The following MIB1 variants were observed in gnomAD, a reference collection of about 807,000 sequenced individuals.
MIB1 encodes E3 ubiquitin-protein ligase MIB1.
In MIB1, 278 loss-of-function variants were observed where a neutral mutation model predicts 124.5. The observed-to-expected ratio is 2.23, with a 90% CI of 2.02 to 2.47. The LOEUF (loss-of-function observed/expected upper bound fraction) is 2.47, where lower values mean the gene tolerates loss of function less well. MIB1 is among the 30% of genes most tolerant of loss of function. The pLI is 0.00. For synonymous variants in MIB1, 446 were observed against 429.4 expected (o/e 1.04, Z -0.48); for missense variants, 957 against 1,254.4 (o/e 0.76, Z 3.58).
At chr18:21,752,825 A>G (rs1046030935) in intron 1 of MIB1, among the ~76,000 whole-genome samples, 1 of 152,222 alleles carries the variant, frequency 6.6e-6, no homozygotes, top group African/African-American at 2.4e-5. Flanking sequence ...ATTTACAAAG[A>G]TATGTATGAA....
intron 8 of MIB1, among the ~76,000 whole-genome samples, chr18:21,799,265 A>G (rs185813526): frequency 1.3e-5 from 2 of 152,188 alleles, no homozygotes; most frequent in East Asian, 1.9e-4. Context: ...GGGTTTAGGT[A>G]TATTCATCCC....
intron 10 of MIB1, among the ~76,000 whole-genome samples, chr18:21,814,667 G>A (rs1027783451): frequency 8.6e-5 from 13 of 151,778 alleles, no homozygotes; most frequent in South Asian, 2.1e-4. Flanking sequence ...TCTGCCTCCC[G>A]GATTCAAGCA....
chr18:21,735,683 G>A (rs1311528230), intron 1 of MIB1, among the ~76,000 whole-genome samples: 2 of 152,294 alleles, frequency 1.3e-5, no homozygotes, highest in East Asian at 3.9e-4. Flanking sequence ...CTCAAGCTTG[G>A]TCGGGGGGAG....
At position 21,752,769 on chromosome 18, in the gene MIB1, C is replaced by T. The variant is rs191694817; in HGVS notation, c.229+10957C>T. On this transcript the variant is annotated intron_variant, in intron 1 of 20. Transcript: ENST00000261537. ...ACAACAAAAAACACATGTTCTGCAGCTGAAAACATCTTCCAGGTGTATGTT... is the reference window on the plus strand; with the variant it reads ...ACAACAAAAAACACATGTTCTGCAGTTGAAAACATCTTCCAGGTGTATGTT... Among the ~76,000 whole-genome samples, 8 of 152,204 alleles carry T rather than the reference C, an allele frequency of 5.3e-5. No individual in the cohort carries two copies. In the East Asian group the frequency reaches 1.5e-3, roughly 29 times the overall value.
chr18:21,853,293 T>G (rs1018844039), intron 18 of MIB1, 75 bp downstream of exon 18: 2 of 1,115,806 alleles, frequency 1.8e-6, no homozygotes, highest in South Asian at 1.4e-5. Flanking sequence ...TTTTTGAGGG[T>G]TTTTTTGCTT....
intron 6 of MIB1, among the ~76,000 whole-genome samples, chr18:21,783,056 TCTATTTTATCTG>T (rs2041388896): frequency 6.6e-6 from 1 of 152,188 alleles, no homozygotes; most frequent in South Asian, 2.1e-4. Flanking sequence ...TAACTTAAAG[TCTATTTTATCTG>T]ATATAAAAGT....
At position 21,709,038 on chromosome 18, in the gene MIB1, C is replaced by T. The variant is rs145405659; in HGVS notation, n.167+3915C>T. 8.8e-3 allele frequency among the ~76,000 whole-genome samples: 1,334 copies of T among 152,074 alleles called. 24 individuals are homozygous for T. Among genetic ancestry groups the T allele is most frequent in the African/African-American group, 0.031 (1,266 of 41,478 alleles). On this transcript the variant is annotated intron_variant and non_coding_transcript_variant, in intron 1 of 20. Transcript: ENST00000578646. ...ATGCCTTTAAAAGTCGTGGCGAGGC[C>T]GGGCGCGGTGGCTCACGCCTGTAAT...
At chr18:21,792,132 G>A (rs2041511858) in intron 7 of MIB1, among the ~76,000 whole-genome samples, 1 of 151,674 alleles carries the variant, frequency 6.6e-6, no homozygotes, top group Non-Finnish European at 1.5e-5. Flanking sequence ...CCTGCCTTTG[G>A]TATTACTCTG....
chr18:21,756,075 A>G (rs1196051901), intron 1 of MIB1, among the ~76,000 whole-genome samples: 10 of 152,168 alleles, frequency 6.6e-5, no homozygotes, highest in African/African-American at 2.4e-4. Flanking sequence ...TTTGCAGGGG[A>G]TAGTAGAAAA....
intron 1 of MIB1, among the ~76,000 whole-genome samples, chr18:21,759,480 A>G (rs370126460): frequency 3.9e-4 from 60 of 152,032 alleles, no homozygotes; most frequent in African/African-American, 1.4e-3. Flanking sequence ...TGACCTCTTG[A>G]TCCGCCTGCC....
intron 10 of MIB1, among the ~76,000 whole-genome samples, chr18:21,810,956 T>C (rs2041766795): frequency 6.6e-6 from 1 of 151,926 alleles, no homozygotes; most frequent in Non-Finnish European, 1.5e-5. Context: ...GCCTATGAAA[T>C]GGGAGAAAAT....
At chr18:21,864,440 A>G in intron 20 of MIB1, 86 bp from the exon 21 acceptor site, 1 of 1,096,218 alleles carries the variant, frequency 9.1e-7, no homozygotes. Context: ...GACTAAAACA[A>G]CTAAAGAAAA....
At chr18:21,713,526 T>C (rs1270519181) in intron 1 of MIB1, among the ~76,000 whole-genome samples, 1 of 146,122 alleles carries the variant, frequency 6.8e-6, no homozygotes, top group Non-Finnish European at 1.5e-5. Flanking sequence ...GGCAGGAGAA[T>C]TGCTTGAACC....
At chr18:21,739,386 A>G (rs1313999969), upstream of MIB1, among the ~76,000 whole-genome samples, 1 of 152,176 alleles carries the variant, frequency 6.6e-6, no homozygotes. Context: ...TGTACTTCCT[A>G]AAACTATTCC....
intron 18 of MIB1, among the ~76,000 whole-genome samples, chr18:21,856,500 A>T (rs1403127828): frequency 6.6e-6 from 1 of 152,174 alleles, no homozygotes; most frequent in Non-Finnish European, 1.5e-5. Context: ...ATAATTGTTC[A>T]TTGTATTTTA....
chr18:21,779,668 G>C lies in MIB1; in HGVS notation c.891G>C (p.Gln297His), dbSNP rs1244337693. The C allele has an allele frequency of 3.1e-6, 5 of 1,613,788 alleles. No individual in the cohort carries two copies. The East Asian group carries it at 1.1e-4, about 36-fold the overall frequency. ...GIDEDHDIVV[Q>H]YPSGNRWTFN... ...ATGAAGATCATGACATTGTAGTACAGTATCCAAGTGGCAATAGGTGGGTGA... is the reference window on the plus strand; with the variant it reads ...ATGAAGATCATGACATTGTAGTACACTATCCAAGTGGCAATAGGTGGGTGA... The change falls in exon 6 of 21, where the codon CAG (glutamine) becomes CAC (histidine). Residue 297 changes from glutamine (Q) to histidine (H), a missense_variant. Transcript: ENST00000261537.
In MIB1 at chr18:21,869,200, A is replaced by G. The variant is rs1362869476; in HGVS notation, c.*4534A>G. 6.6e-6 allele frequency: 1 copy of G among 152,450 alleles called. No homozygotes were observed. The highest frequency in any genetic ancestry group is 2.4e-5 in the African/African-American group (1 of 41,444). The allele number at this position is 152,450 out of a possible 1,614,324, so 9.4% of individuals were successfully genotyped here. On this transcript the variant is annotated 3_prime_UTR_variant, in exon 21 of 21. Coordinates refer to ENST00000261537, the MANE Select transcript of MIB1 (RefSeq NM_020774.4). The stretch of plus-strand genomic sequence containing the variant: ...ATGTCTAAGAAAGGTCATATGCTGA[A>G]TATTTTACTTTTCCTGTATAGTCTG...
rs1345974183 is a variant in MIB1 at position 21,762,784 on chromosome 18, G to A, written c.230-2988G>A. 2.0e-5 allele frequency among the ~76,000 whole-genome samples: 3 copies of A among 152,158 alleles called. No individual in the cohort carries two copies. The East Asian group carries it at 5.8e-4, about 29-fold the overall frequency. On this transcript the variant is annotated intron_variant, in intron 1 of 20. Transcript: ENST00000261537. The stretch of plus-strand genomic sequence containing the variant: ...TATGGTATATAATTGCTATTTAGAA[G>A]TTTTTATTTATTTTAATCTTTTAAT...
At chr18:21,796,601 T>G (rs1598615634) in intron 7 of MIB1, among the ~76,000 whole-genome samples, 1 of 152,228 alleles carries the variant, frequency 6.6e-6, no homozygotes, top group South Asian at 2.1e-4. Flanking sequence ...CAAAAGCTCC[T>G]ATTTCCTAGC....
Sources: gnomAD v4.1 joint callset for allele counts (sites outside exome capture counted in the v4.1 genomes callset) on GRCh38, gnomAD v4.1.1 for gene constraint, MANE v1.5 for transcripts, NCBI Gene and HGNC (gene_info 2026-07-23, HGNC 2026-07-21) for gene names.